BMP7: variants seen among roughly 807,000 people sequenced by gnomAD.
BMP7 encodes the protein bone morphogenetic protein 7.
In BMP7, 12 loss-of-function variants were observed where a neutral mutation model predicts 41.2. The ratio of observed to expected loss-of-function variants is 0.29; its 90% confidence interval spans 0.19 to 0.47. BMP7 has a LOEUF of 0.47. BMP7 is among the 20% of genes least tolerant of loss of function. The probability of loss-of-function intolerance (pLI) is 0.99; values close to 1 mark genes in which losing one functional copy is unlikely to be tolerated. For missense variants in BMP7, 467 were observed against 606.0 expected, an observed-to-expected ratio of 0.77 and a Z score of 2.41; for synonymous variants, 248 against 250.0, an observed-to-expected ratio of 0.99 and a Z score of 0.07.
intron 6 of BMP7, 36 bp downstream of exon 6, chr20:57,173,164 C>T: frequency 6.3e-7 from 1 of 1,598,460 alleles, no homozygotes; most frequent in South Asian, 1.1e-5. Flanking sequence ...CCTGCCCGGC[C>T]CAGGTGACCA....
Position 57,265,997 on chromosome 20 carries a change from G to C in BMP7, c.126C>G (p.Ile42Met). The stretch of plus-strand genomic sequence containing the variant: ...GCTCCTGGCTGCGGAGGCGCCGGTG[G>C]ATGAAGCTCGAGTGCACCTCGTTGT... ...SLDNEVHSSFIHRRLRSQERR... is the reference protein window; with the variant it reads ...SLDNEVHSSFMHRRLRSQERR... The change falls in exon 1 of 7, where the codon ATC becomes ATG. Residue 42 changes from isoleucine to methionine, a missense_variant. Ile to Met is a conservative substitution (Grantham distance 10). Around this residue, in one of 2 missense-constraint regions of BMP7, gnomAD observed 407 missense variants for 485.9 expected, o/e 0.84. Transcript: ENST00000395863. 6.5e-7 allele frequency: 1 copy of C among 1,549,984 alleles called. No individual in the cohort carries two copies. Among genetic ancestry groups the C allele is most frequent in the Non-Finnish European group, 8.7e-7 (1 of 1,147,022 alleles).
intron 1 of BMP7, among the ~76,000 whole-genome samples, chr20:57,245,724 C>T (rs565816486): frequency 6.6e-6 from 1 of 150,650 alleles, no homozygotes; most frequent in Non-Finnish European, 1.5e-5. Context: ...CTGCAACCTC[C>T]GCCTCCTGGG....
intron 2 of BMP7, among the ~76,000 whole-genome samples, chr20:57,222,154 T>G (rs1985203895): frequency 6.6e-6 from 1 of 152,132 alleles, no homozygotes; most frequent in African/African-American, 2.4e-5. Flanking sequence ...AGGGAAAATG[T>G]GGGCAACCTG....
intron 4 of BMP7, among the ~76,000 whole-genome samples, chr20:57,180,174 T>A (rs1304167975): frequency 6.6e-6 from 1 of 152,066 alleles, no homozygotes; most frequent in Non-Finnish European, 1.5e-5. Context: ...AGAATGATCT[T>A]ATCACCTGCA....
chr20:57,249,272 C>T (rs1167433952), intron 1 of BMP7, among the ~76,000 whole-genome samples: 1 of 152,008 alleles, frequency 6.6e-6, no homozygotes, highest in Non-Finnish European at 1.5e-5. Flanking sequence ...TCATACCAAA[C>T]TTCTTACCTT....
At chr20:57,184,561 A>G (rs1475730677) in intron 3 of BMP7, among the ~76,000 whole-genome samples, 1 of 152,154 alleles carries the variant, frequency 6.6e-6, no homozygotes, top group African/African-American at 2.4e-5. Context: ...GGGCAACACG[A>G]GCACCTGCCT....
At chr20:57,176,750 TCACACACACACACA>T (rs60465573) in intron 4 of BMP7, among the ~76,000 whole-genome samples, 8 of 135,510 alleles carry the variant, frequency 5.9e-5, no homozygotes, top group Non-Finnish European at 1.1e-4. Context: ...CATTCTCCAT[TCACACACACACACA>T]CACACACACA....
intron 3 of BMP7, among the ~76,000 whole-genome samples, chr20:57,193,512 C>T (rs1236727363): frequency 6.6e-6 from 1 of 152,208 alleles, no homozygotes; most frequent in Non-Finnish European, 1.5e-5. Flanking sequence ...CCACTCACAT[C>T]ACTATAACTG....
chr20:57,200,345 G>A (rs1984592270), intron 3 of BMP7, among the ~76,000 whole-genome samples: 2 of 152,164 alleles, frequency 1.3e-5, no homozygotes, highest in Admixed American at 6.5e-5. Flanking sequence ...TCGGGAGCCC[G>A]AGCTCTAACC....
intron 2 of BMP7, among the ~76,000 whole-genome samples, chr20:57,206,076 G>A (rs1984723349): frequency 6.6e-6 from 1 of 152,142 alleles, no homozygotes; most frequent in South Asian, 2.1e-4. Context: ...GCTCGGAGAG[G>A]GGGAATTTCT....
intron 4 of BMP7, among the ~76,000 whole-genome samples, chr20:57,177,013 A>C (rs1198116521): frequency 6.6e-6 from 1 of 152,218 alleles, no homozygotes; most frequent in Admixed American, 6.5e-5. Flanking sequence ...TGGGTGGGAC[A>C]GGAGTGGTGC....
chr20:57,220,835 G>A (rs1040147384), intron 2 of BMP7, among the ~76,000 whole-genome samples: 1 of 152,182 alleles, frequency 6.6e-6, no homozygotes, highest in African/African-American at 2.4e-5. Flanking sequence ...AGGCATTCTC[G>A]AGTTTCAATT....
chr20:57,173,160 C>G, intron 6 of BMP7, 40 bp downstream of exon 6: 1 of 1,590,322 alleles, frequency 6.3e-7, no homozygotes, highest in Non-Finnish European at 8.6e-7. Flanking sequence ...GCAGCCTGCC[C>G]GGCCCAGGTG....
intron 3 of BMP7, 57 bp downstream of exon 3, chr20:57,202,418 C>T: frequency 6.3e-7 from 1 of 1,587,434 alleles, no homozygotes; most frequent in Non-Finnish European, 8.5e-7. Flanking sequence ...TGCTGAGACC[C>T]TCCTGAAGTC....
At chr20:57,175,103 G>T (rs375215962) in intron 4 of BMP7, 96 bp from the exon 5 acceptor site, 14 of 1,279,596 alleles carry the variant, frequency 1.1e-5, no homozygotes, top group Middle Eastern at 1.8e-4. Flanking sequence ...GATGTGAACA[G>T]CAATGAAGCA....
rs1172463842 is a variant in BMP7 at position 57,259,109 on chromosome 20, G to A, written c.418+6596C>T. 2.0e-5 allele frequency among the ~76,000 whole-genome samples: 3 copies of A among 152,242 alleles called. No individual in the cohort carries two copies. Among genetic ancestry groups the A allele is most frequent in the Non-Finnish European group, 4.4e-5 (3 of 68,046 alleles). On this transcript the variant is annotated intron_variant, in intron 1 of 6. Coordinates refer to ENST00000395863, the MANE Select transcript of BMP7 (RefSeq NM_001719.3). This position sits in a 1 kb window ranked among gnomAD's most constrained non-coding sequence, Gnocchi z 4.7. ...GGAAACAGACACATAGGTTTAGGCTGTGTCTAAAGAGAATCACTGTGGATG... is the reference window on the plus strand; with the variant it reads ...GGAAACAGACACATAGGTTTAGGCTATGTCTAAAGAGAATCACTGTGGATG...
intron 1 of BMP7, among the ~76,000 whole-genome samples, chr20:57,264,322 C>T (rs1190860424): frequency 6.6e-6 from 1 of 152,182 alleles, no homozygotes; most frequent in Non-Finnish European, 1.5e-5. Context: ...ACACAGCGCC[C>T]GTGGGCGTGA....
intron 1 of BMP7, among the ~76,000 whole-genome samples, chr20:57,264,550 C>T (rs565809161): frequency 1.3e-5 from 2 of 152,296 alleles, no homozygotes; most frequent in East Asian, 1.9e-4. Flanking sequence ...TCGCTGCAGC[C>T]CCAGGCTCGC....
chr20:57,251,997 G>C (rs1309392326), intron 1 of BMP7, among the ~76,000 whole-genome samples: 1 of 152,142 alleles, frequency 6.6e-6, no homozygotes, highest in Non-Finnish European at 1.5e-5. Context: ...TCCCAGGTAG[G>C]GGACATAGCG....
Sources: gnomAD v4.1 joint callset for allele counts (sites outside exome capture counted in the v4.1 genomes callset) on GRCh38, gnomAD v4.1.1 for gene constraint, gnomAD v4.1.1 regional missense constraint, Gnocchi (gnomAD v3.1) non-coding constraint, MANE v1.5 for transcripts, NCBI Gene and HGNC (gene_info 2026-07-23, HGNC 2026-07-21) for gene names.